Variants in PTPRK observed in about 807,000 individuals in gnomAD.
PTPRK encodes protein tyrosine phosphatase receptor type K.
A neutral mutation model predicts 178.0 loss-of-function variants in PTPRK; 75 were observed. The ratio of observed to expected loss-of-function variants is 0.42; its 90% confidence interval spans 0.35 to 0.51. The LOEUF (loss-of-function observed/expected upper bound fraction) is 0.51, where lower values mean the gene tolerates loss of function less well. Ranked by LOEUF, PTPRK falls within the 20% of genes least tolerant of loss-of-function variation. The pLI is 0.02. For synonymous variants in PTPRK, 637 were observed against 620.6 expected (o/e 1.03, Z -0.39); for missense variants, 1,441 against 1,797.8 (o/e 0.80, Z 3.59).
intron 14 of PTPRK, among the ~76,000 whole-genome samples, chr6:128,007,049 T>A (rs1383839284): frequency 6.6e-6 from 1 of 150,826 alleles, no homozygotes; most frequent in Non-Finnish European, 1.5e-5. Flanking sequence ...ATTATTTTTA[T>A]TATAAATTTA....
chr6:128,360,939 T>C (rs1428625461), intron 2 of PTPRK, among the ~76,000 whole-genome samples: 4 of 152,072 alleles, frequency 2.6e-5, no homozygotes, highest in Non-Finnish European at 5.9e-5. Context: ...AATACTGAAT[T>C]TTTTGAAATA....
At position 128,231,280 on chromosome 6, in the gene PTPRK, C is replaced by T. The variant is rs115619694; in HGVS notation, c.693+8755G>A. On this transcript the variant is annotated intron_variant, in intron 5 of 29. Coordinates refer to ENST00000368226, the MANE Select transcript of PTPRK (RefSeq NM_002844.4). ...ATGGCCCAATGAAAAGCAGGACTGC[C>T]GAGTGTTGGCTCTTAGCTACGAAAG... Among the ~76,000 whole-genome samples the T allele has an allele frequency of 3.0e-3, 457 of 152,224 alleles. 3 individuals are homozygous for T. The highest frequency in any genetic ancestry group is 0.011 in the African/African-American group (437 of 41,536).
intron 2 of PTPRK, among the ~76,000 whole-genome samples, chr6:128,392,674 A>G (rs9388633): frequency 0.97 from 147,573 of 152,204 alleles, 71,683 homozygotes; most frequent in East Asian, 1. Flanking sequence ...CTTATTCTCT[A>G]TGGGTTCTGA....
intron 4 of PTPRK, chr6:128,241,370 A>G: frequency 3.8e-6 from 2 of 519,626 alleles, no homozygotes; most frequent in Non-Finnish European, 7.9e-6. Context: ...GACCTATTCA[A>G]TCAGAACCAG....
intron 15 of PTPRK, among the ~76,000 whole-genome samples, chr6:128,000,700 A>G (rs1777731917): frequency 6.6e-6 from 1 of 152,110 alleles, no homozygotes; most frequent in African/African-American, 2.4e-5. Flanking sequence ...AATTAAATTC[A>G]GAAGCAATTG....
At chr6:128,378,889 C>G (rs2128354469) in intron 2 of PTPRK, among the ~76,000 whole-genome samples, 1 of 152,076 alleles carries the variant, frequency 6.6e-6, no homozygotes, top group South Asian at 2.1e-4. Flanking sequence ...ATGCAAAGTT[C>G]AAGTAAGATT....
intron 3 of PTPRK, among the ~76,000 whole-genome samples, chr6:128,268,069 C>G (rs749377160): frequency 5.3e-5 from 8 of 151,936 alleles, no homozygotes; most frequent in Admixed American, 1.3e-4. Flanking sequence ...TTCTCCCAGA[C>G]TAACAGAATA....
intron 7 of PTPRK, among the ~76,000 whole-genome samples, chr6:128,156,997 T>C (rs747827187): frequency 2.0e-5 from 3 of 152,004 alleles, no homozygotes; most frequent in Non-Finnish European, 2.9e-5. Flanking sequence ...TAATAACTTA[T>C]CGTAAGAATG....
chr6:128,196,889 G>A (rs1804947246), intron 6 of PTPRK, among the ~76,000 whole-genome samples: 1 of 152,056 alleles, frequency 6.6e-6, no homozygotes, highest in Non-Finnish European at 1.5e-5. Context: ...AAATTTGCTG[G>A]AGAAAAGAAC....
Position 128,222,089 on chromosome 6 carries a change from C to G in PTPRK, c.694-2993G>C, listed in dbSNP as rs140194467. On this transcript the variant is annotated intron_variant, in intron 5 of 29. Transcript: ENST00000368226. ...ATATGTATTTCTCAGTTCTTCTGCA[C>G]GACTAGCCAATTCCCACTGCCTGTA... Among the ~76,000 whole-genome samples the G allele has an allele frequency of 3.3e-5, 5 of 152,254 alleles. No homozygotes were observed. The South Asian group carries it at 1.0e-3, about 32-fold the overall frequency.
intron 7 of PTPRK, among the ~76,000 whole-genome samples, chr6:128,125,377 C>T (rs1793166921): frequency 6.6e-5 from 10 of 151,970 alleles, no homozygotes; most frequent in Admixed American, 6.6e-4. Context: ...CATCTTCCCC[C>T]ATCCTGCTCC....
chr6:128,435,702 A>G (rs974494005), intron 1 of PTPRK, among the ~76,000 whole-genome samples: 1 of 152,244 alleles, frequency 6.6e-6, no homozygotes, highest in Non-Finnish European at 1.5e-5. Context: ...TTAAGGGACG[A>G]ATCACAAAGA....
chr6:128,387,964 C>CA (rs1317721967), intron 2 of PTPRK, among the ~76,000 whole-genome samples: 7 of 150,682 alleles, frequency 4.6e-5, no homozygotes, highest in African/African-American at 1.5e-4. Context: ...AAAAAAAAAG[C>CA]AAAAAATCTC....
intron 1 of PTPRK, among the ~76,000 whole-genome samples, chr6:128,416,570 C>A (rs1206012922): frequency 6.6e-6 from 1 of 150,780 alleles, no homozygotes; most frequent in Non-Finnish European, 1.5e-5. Context: ...ATGGCGTGAA[C>A]CCGGGAGTCA....
chr6:128,204,841 G>A lies in PTPRK; in HGVS notation c.868+14081C>T, dbSNP rs535352287. Among the ~76,000 whole-genome samples, 11 of 152,252 alleles carry A rather than the reference G, an allele frequency of 7.2e-5. No homozygotes were observed. In the South Asian group the frequency reaches 1.7e-3, roughly 23 times the overall value. ...GAATGTAAATTAGCTCAACCCTTGCGGAAGACAGTGTGGCAATTCCTCAGA... is the reference window on the plus strand; with the variant it reads ...GAATGTAAATTAGCTCAACCCTTGCAGAAGACAGTGTGGCAATTCCTCAGA... On this transcript the variant is annotated intron_variant, in intron 6 of 29. Coordinates refer to ENST00000368226, the MANE Select transcript of PTPRK (RefSeq NM_002844.4).
rs529475328 is a variant in PTPRK at position 128,510,973 on chromosome 6, A to G, written c.100+9286T>C. On this transcript the variant is annotated intron_variant, in intron 1 of 29. Transcript: ENST00000368226. Reference sequence around the variant, plus strand: ...CTTCCTACCTGTATGACTTTGGGCAACTTACGTCAAATGAAGGGGTCATTA... The same window carrying G: ...CTTCCTACCTGTATGACTTTGGGCAGCTTACGTCAAATGAAGGGGTCATTA... 9.9e-5 allele frequency among the ~76,000 whole-genome samples: 15 copies of G among 152,258 alleles called. No homozygotes were observed. The Middle Eastern group carries it at 0.014, about 139-fold the overall frequency.
intron 3 of PTPRK, among the ~76,000 whole-genome samples, chr6:128,244,833 T>C (rs755310950): frequency 2.0e-5 from 3 of 152,026 alleles, no homozygotes; most frequent in Non-Finnish European, 2.9e-5. Flanking sequence ...AACTTGAAAA[T>C]TTGGGAGGCT....
chr6:128,239,965 A>T, intron 5 of PTPRK, 70 bp downstream of exon 5: 4 of 1,214,894 alleles, frequency 3.3e-6, no homozygotes, highest in Non-Finnish European at 4.8e-6. Context: ...ATGAGACAAC[A>T]AACAGTCCTG....
intron 1 of PTPRK, among the ~76,000 whole-genome samples, chr6:128,478,426 C>G (rs1470986107): frequency 6.6e-6 from 1 of 152,098 alleles, no homozygotes; most frequent in African/African-American, 2.4e-5. Flanking sequence ...ACTGCTCTAA[C>G]CTTCTTTGGT....
Sources: allele counts gnomAD v4.1 joint callset (sites outside exome capture counted in the v4.1 genomes callset), GRCh38; gene constraint gnomAD v4.1.1; transcripts MANE v1.5; gene names NCBI Gene and HGNC (gene_info 2026-07-23, HGNC 2026-07-21).